TUBA1C: variants seen among roughly 807,000 people sequenced by gnomAD.
TUBA1C encodes tubulin alpha 1c.
In TUBA1C, 16 loss-of-function variants were observed where a neutral mutation model predicts 34.9. That is an observed-to-expected ratio of 0.46 (90% CI 0.31 to 0.70). The LOEUF (loss-of-function observed/expected upper bound fraction) is 0.70, where lower values mean the gene tolerates loss of function less well. Ranked by LOEUF, TUBA1C falls within the 30% of genes least tolerant of loss-of-function variation. The pLI is 0.05. For synonymous variants in TUBA1C, 177 were observed against 215.9 expected (o/e 0.82, Z 1.58); for missense variants, 329 against 587.3 (o/e 0.56, Z 4.55).
In TUBA1C at chr12:49,272,939, CATTA is replaced by C. The variant is rs759403410; in HGVS notation, c.1067_1070del (p.Asn356ThrfsTer22). On this transcript the variant is annotated frameshift_variant, in exon 4 of 4. Coordinates refer to ENST00000301072, the MANE Select transcript of TUBA1C (RefSeq NM_032704.5). LOFTEE classifies it high-confidence loss of function. ...GGTGCCCCACTGGCTTCAAGGTTGG[CATTA>C]ATTACCAGCCTCCCACTGTGGTGCC... 1.2e-5 allele frequency: 20 copies of C among 1,614,228 alleles called. No individual in the cohort carries two copies. The highest frequency in any genetic ancestry group is 1.7e-5 in the Non-Finnish European group (20 of 1,180,048).
intron 1 of TUBA1C, among the ~76,000 whole-genome samples, chr12:49,248,635 G>T (rs1335130354): frequency 1.3e-5 from 2 of 151,184 alleles, no homozygotes; most frequent in Admixed American, 6.6e-5. Context: ...AGGCCGAGGC[G>T]GGCGGATCAC....
chr12:49,257,149 C>CAA (rs199657602), intron 1 of TUBA1C, among the ~76,000 whole-genome samples: 22 of 92,396 alleles, frequency 2.4e-4, no homozygotes, highest in African/African-American at 5.7e-4. Flanking sequence ...CACTCCATCT[C>CAA]AAAAAAAAAA....
chr12:49,267,801 AAGG>A (rs1220931108), intron 1 of TUBA1C, among the ~76,000 whole-genome samples: 3 of 152,046 alleles, frequency 2.0e-5, no homozygotes, highest in South Asian at 2.1e-4. Context: ...TGTAGGTGGG[AAGG>A]AGGTCAAAGG....
chr12:49,240,076 A>ACACC (rs1491382164), intron 1 of TUBA1C, among the ~76,000 whole-genome samples: 8 of 128,536 alleles, frequency 6.2e-5, no homozygotes, highest in African/African-American at 2.2e-4. Flanking sequence ...ACACACACAC[A>ACACC]CCCTGCCTTT....
intron 1 of TUBA1C, among the ~76,000 whole-genome samples, chr12:49,268,273 A>G (rs1942942610): frequency 6.6e-6 from 1 of 151,994 alleles, no homozygotes; most frequent in Non-Finnish European, 1.5e-5. Context: ...TAATTCTTGT[A>G]TTTTTAGTAG....
intron 1 of TUBA1C, among the ~76,000 whole-genome samples, chr12:49,257,077 G>A (rs568915562): frequency 2.0e-5 from 3 of 150,742 alleles, no homozygotes; most frequent in Non-Finnish European, 2.9e-5. Context: ...CTACTTGGGA[G>A]TCTGCGGCAA....
rs1385944850 is a variant in TUBA1C at position 49,272,949 on chromosome 12, C to T, written c.1072C>T (p.Gln358Ter). The stretch of plus-strand genomic sequence containing the variant: ...TGGCTTCAAGGTTGGCATTAATTAC[C>T]AGCCTCCCACTGTGGTGCCTGGCGG... ...PTGFKVGINY[Q>*]PPTVVPGGDL... The change falls in exon 4 of 4, where the codon CAG (glutamine) becomes TAG (stop). Residue 358 changes from glutamine (Q) to a stop codon, truncating the protein, a stop_gained. Coordinates refer to ENST00000301072, the MANE Select transcript of TUBA1C (RefSeq NM_032704.5). LOFTEE classifies it high-confidence loss of function. 1.9e-6 allele frequency: 3 copies of T among 1,614,106 alleles called. No individual in the cohort carries two copies. Among genetic ancestry groups the T allele is most frequent in the East Asian group, 2.2e-5 (1 of 44,902 alleles).
At chr12:49,239,715 T>G (rs560154596) in intron 1 of TUBA1C, among the ~76,000 whole-genome samples, 1 of 151,738 alleles carries the variant, frequency 6.6e-6, no homozygotes, top group South Asian at 2.1e-4. Context: ...TCCCAGCTAC[T>G]CGGGAGGCTG....
chr12:49,273,621 G>A lies in TUBA1C; in HGVS notation c.*394G>A, dbSNP rs1429752898. ...CAGGGTGGTCTTCAACTGGCTTCAAGTGATCCTCCTGCCTCAACCTCTCAA... is the reference window on the plus strand; with the variant it reads ...CAGGGTGGTCTTCAACTGGCTTCAAATGATCCTCCTGCCTCAACCTCTCAA... On this transcript the variant is annotated 3_prime_UTR_variant, in exon 4 of 4. Coordinates refer to ENST00000301072, the MANE Select transcript of TUBA1C (RefSeq NM_032704.5). 1 of 282,944 alleles carries A rather than the reference G, an allele frequency of 3.5e-6. No individual in the cohort carries two copies. The highest frequency in any genetic ancestry group is 6.8e-6 in the Non-Finnish European group (1 of 146,312). The allele number at this position is 282,944 out of a possible 1,614,324, so 17.5% of individuals were successfully genotyped here.
intron 1 of TUBA1C, among the ~76,000 whole-genome samples, chr12:49,241,144 C>T (rs1281293139): frequency 6.6e-6 from 1 of 152,072 alleles, no homozygotes; most frequent in Non-Finnish European, 1.5e-5. Flanking sequence ...TCAGGTGAAC[C>T]GCCCGCCTCG....
chr12:49,268,591 TATG>T (rs1441590659), intron 1 of TUBA1C, among the ~76,000 whole-genome samples: 7 of 152,168 alleles, frequency 4.6e-5, no homozygotes, highest in Admixed American at 4.6e-4. Flanking sequence ...CCTTTATTAT[TATG>T]GTCTTCCCTC....
At chr12:49,269,773 C>T (rs547965773) in intron 2 of TUBA1C, 55 bp from the exon 3 acceptor site, 16 of 1,613,612 alleles carry the variant, frequency 9.9e-6, no homozygotes, top group African/African-American at 8.0e-5. Flanking sequence ...GTCACTCACC[C>T]ACTCTCCCTC....
intron 1 of TUBA1C, among the ~76,000 whole-genome samples, chr12:49,241,226 A>G (rs1328244268): frequency 6.6e-6 from 1 of 151,996 alleles, no homozygotes; most frequent in Non-Finnish European, 1.5e-5. Flanking sequence ...ATAATACCAT[A>G]TATAATATGA....
At chr12:49,245,762 A>G (rs891952906) in intron 1 of TUBA1C, among the ~76,000 whole-genome samples, 4 of 152,186 alleles carry the variant, frequency 2.6e-5, no homozygotes, top group African/African-American at 9.7e-5. Flanking sequence ...ACTATACTCA[A>G]AGTGGGCCTA....
rs571094907 is a variant in TUBA1C, at chr12:49,238,888, C to A, written c.213+10722C>A. ...CCCTGGGCACACCACTCTCCAGGAA[C>A]CTCTACGTGTTCAGCCATCCAGAAG... is the stretch of plus-strand genomic sequence containing the variant. On this transcript the variant is annotated intron_variant, in intron 1 of 3. Transcript: ENST00000541364. Among the ~76,000 whole-genome samples the A allele has an allele frequency of 4.6e-5, 7 of 152,278 alleles. No homozygotes were observed. In the South Asian group the frequency reaches 1.2e-3, roughly 27 times the overall value.
intron 1 of TUBA1C, among the ~76,000 whole-genome samples, chr12:49,240,650 C>T (rs1201726601): frequency 6.6e-6 from 1 of 152,116 alleles, no homozygotes; most frequent in African/African-American, 2.4e-5. Context: ...TGCAGTGGTG[C>T]GAACACTGCT....
intron 1 of TUBA1C, among the ~76,000 whole-genome samples, chr12:49,239,162 T>G (rs1592273978): frequency 6.6e-6 from 1 of 152,152 alleles, no homozygotes; most frequent in East Asian, 1.9e-4. Context: ...AACAAAAGAT[T>G]GTCTGTCTTC....
intron 1 of TUBA1C, among the ~76,000 whole-genome samples, chr12:49,257,218 G>C (rs1292371182): frequency 6.6e-6 from 1 of 151,984 alleles, no homozygotes; most frequent in East Asian, 1.9e-4. Context: ...CTGAGGGAAG[G>C]GTTGGGATTC....
chr12:49,247,774 C>T (rs1313529622), intron 1 of TUBA1C, among the ~76,000 whole-genome samples: 1 of 150,124 alleles, frequency 6.7e-6, no homozygotes, highest in South Asian at 2.1e-4. Flanking sequence ...GGTGAAACCC[C>T]GTCTCTACTA....
Sources: gnomAD v4.1 joint callset for allele counts (sites outside exome capture counted in the v4.1 genomes callset) on GRCh38, gnomAD v4.1.1 for gene constraint, MANE v1.5 for transcripts, NCBI Gene and HGNC (gene_info 2026-07-23, HGNC 2026-07-21) for gene names.